Variants in ANO6 observed in about 807,000 individuals in gnomAD.
ANO6 encodes anoctamin 6.
In ANO6, 106 loss-of-function variants were observed where a neutral mutation model predicts 117.5. The ratio of observed to expected loss-of-function variants is 0.90; its 90% CI spans 0.77 to 1.06. The LOEUF is 1.06. Among genes scored for constraint, ANO6 ranks in the 50% least tolerant of loss-of-function variants. ANO6 has a pLI of 0.00. For synonymous variants in ANO6, 367 were observed against 385.1 expected (o/e 0.95, Z 0.55); for missense variants, 955 against 1,121.1 (o/e 0.85, Z 2.12).
chr12:45,273,253 TTGTG>T (rs953254112), intron 1 of ANO6, among the ~76,000 whole-genome samples: 3 of 152,200 alleles, frequency 2.0e-5, no homozygotes, highest in Non-Finnish European at 4.4e-5. Flanking sequence ...GTTAATTTGA[TTGTG>T]GTAATTGTTA....
At chr12:45,294,119 T>A (rs1939209679) in intron 1 of ANO6, among the ~76,000 whole-genome samples, 1 of 151,746 alleles carries the variant, frequency 6.6e-6, no homozygotes, top group African/African-American at 2.4e-5. Flanking sequence ...AGGTTGAAAA[T>A]AAGAAGGATA....
chr12:45,399,027 TAGATA>T (rs950914360), intron 12 of ANO6, among the ~76,000 whole-genome samples: 3 of 152,164 alleles, frequency 2.0e-5, no homozygotes, highest in African/African-American at 7.2e-5. Context: ...CAGTCAAAGC[TAGATA>T]ACTGCAGACC....
chr12:45,322,866 A>T (rs1592964951), intron 2 of ANO6, among the ~76,000 whole-genome samples: 1 of 152,330 alleles, frequency 6.6e-6, no homozygotes, highest in Admixed American at 6.5e-5. Flanking sequence ...ATATGGTCCC[A>T]CATATGACTT....
rs1941698381 is a variant in ANO6 at position 45,366,870 on chromosome 12, T to A, written c.999-818T>A. On this transcript the variant is annotated intron_variant, in intron 8 of 19. Transcript: ENST00000320560. ...CTATTGAAATGGTACTTTTTAAGAATTATTTCCTAATGATTACAGGTGTAT... is the reference window on the plus strand; with the variant it reads ...CTATTGAAATGGTACTTTTTAAGAAATATTTCCTAATGATTACAGGTGTAT... Among the ~76,000 whole-genome samples, 4 of 152,346 alleles carry A rather than the reference T, an allele frequency of 2.6e-5. No individual in the cohort carries two copies. In the South Asian group the frequency reaches 8.3e-4, roughly 32 times the overall value.
chr12:45,258,396 C>A (rs1937910711), intron 1 of ANO6, among the ~76,000 whole-genome samples: 1 of 152,050 alleles, frequency 6.6e-6, no homozygotes, highest in African/African-American at 2.4e-5. Flanking sequence ...GTCTTCTTGC[C>A]TTTTCTCCAT....
At chr12:45,343,828 A>T (rs1941049105) in intron 3 of ANO6, among the ~76,000 whole-genome samples, 1 of 152,106 alleles carries the variant, frequency 6.6e-6, no homozygotes. Flanking sequence ...GTAGCTATGG[A>T]CAGCTCCTGC....
intron 19 of ANO6, among the ~76,000 whole-genome samples, chr12:45,426,527 C>T (rs1943507350): frequency 6.6e-6 from 1 of 152,156 alleles, no homozygotes; most frequent in South Asian, 2.1e-4. Flanking sequence ...ACTGAAGCTG[C>T]TCTTGCCAAA....
intron 1 of ANO6, among the ~76,000 whole-genome samples, chr12:45,284,576 T>C (rs1309779644): frequency 1.3e-5 from 2 of 152,186 alleles, no homozygotes; most frequent in East Asian, 3.9e-4. Context: ...CTCGTCCAAC[T>C]CCCAGCCAGG....
chr12:45,429,393 T>G lies in ANO6; in HGVS notation c.*82T>G. ...GAATCACTAATGAGAATGTGTAAGT[T>G]AAATCACTTTGGCAAATATGAGTCT... On this transcript the variant is annotated 3_prime_UTR_variant, in exon 20 of 20. Transcript: ENST00000320560. 4 of 1,552,434 alleles carry G rather than the reference T, an allele frequency of 2.6e-6. No individual in the cohort carries two copies. Among genetic ancestry groups the G allele is most frequent in the Non-Finnish European group, 3.5e-6 (4 of 1,152,230 alleles).
chr12:45,332,485 T>C (rs181661930), intron 3 of ANO6, among the ~76,000 whole-genome samples: 2 of 152,114 alleles, frequency 1.3e-5, no homozygotes, highest in Admixed American at 6.6e-5. Flanking sequence ...TCAGAGGGGG[T>C]TAAGTTTGGC....
chr12:45,344,949 C>G (rs1941087127), intron 3 of ANO6, among the ~76,000 whole-genome samples: 1 of 152,072 alleles, frequency 6.6e-6, no homozygotes, highest in Non-Finnish European at 1.5e-5. Context: ...AGGGGACACC[C>G]AGAGGGAACA....
At chr12:45,349,263 C>G (rs1042395106) in intron 6 of ANO6, among the ~76,000 whole-genome samples, 1 of 152,200 alleles carries the variant, frequency 6.6e-6, no homozygotes, top group Admixed American at 6.5e-5. Flanking sequence ...GATTTTCAAA[C>G]TGTCCCCTGG....
At chr12:45,375,586 C>G (rs1376236513) in intron 9 of ANO6, among the ~76,000 whole-genome samples, 8 of 152,134 alleles carry the variant, frequency 5.3e-5, no homozygotes, top group Non-Finnish European at 7.3e-5. Flanking sequence ...ACAAACCTGA[C>G]AAAAACAAGC....
intron 3 of ANO6, among the ~76,000 whole-genome samples, chr12:45,337,151 G>C (rs1660116513): frequency 6.6e-6 from 1 of 152,100 alleles, no homozygotes; most frequent in African/African-American, 2.4e-5. Flanking sequence ...GTCTGCAGTA[G>C]TGCACATAAT....
At chr12:45,247,044 C>T (rs530520003) in intron 1 of ANO6, among the ~76,000 whole-genome samples, 19 of 152,196 alleles carry the variant, frequency 1.2e-4, no homozygotes, top group African/African-American at 4.6e-4. Flanking sequence ...TCCTGCCTCA[C>T]CCTCCCGAGT....
chr12:45,268,107 A>G (rs1042645506), intron 1 of ANO6, among the ~76,000 whole-genome samples: 4 of 152,232 alleles, frequency 2.6e-5, no homozygotes, highest in Non-Finnish European at 4.4e-5. Flanking sequence ...AGGCTTTTAA[A>G]TAACTACATA....
chr12:45,298,021 G>C (rs991841820), intron 1 of ANO6, among the ~76,000 whole-genome samples: 77 of 152,180 alleles, frequency 5.1e-4, no homozygotes, highest in African/African-American at 1.6e-3. Context: ...ATATAAAGTA[G>C]ATTTTGATGT....
At chr12:45,270,155 C>T (rs1220663466) in intron 1 of ANO6, among the ~76,000 whole-genome samples, 3 of 152,222 alleles carry the variant, frequency 2.0e-5, no homozygotes, top group African/African-American at 4.8e-5. Context: ...TTAGCATCAT[C>T]TGGAGAGCTC....
intron 1 of ANO6, among the ~76,000 whole-genome samples, chr12:45,239,741 G>A (rs1042480219): frequency 3.3e-5 from 5 of 152,138 alleles, no homozygotes; most frequent in South Asian, 2.1e-4. Context: ...ATTCTGGTAC[G>A]TTATGTCTTT....
Sources: gnomAD v4.1 joint callset for allele counts (sites outside exome capture counted in the v4.1 genomes callset) on GRCh38, gnomAD v4.1.1 for gene constraint, MANE v1.5 for transcripts, NCBI Gene and HGNC (gene_info 2026-07-23, HGNC 2026-07-21) for gene names.